Variants in CETN3 observed in about 807,000 individuals in gnomAD.
The protein encoded by CETN3 is centrin-3.
In CETN3, 17 loss-of-function variants were observed where a neutral mutation model predicts 20.1. The observed-to-expected ratio is 0.85, with a 90% CI of 0.58 to 1.27. The LOEUF (loss-of-function observed/expected upper bound fraction) is 1.27. Ranked by LOEUF, CETN3 falls within the 50% of genes most tolerant of loss-of-function variation. The pLI is 0.00. For synonymous variants in CETN3, 52 were observed against 59.7 expected (o/e 0.87, Z 0.59); for missense variants, 169 against 191.2 (o/e 0.88, Z 0.69).
intron 2 of CETN3, among the ~76,000 whole-genome samples, chr5:90,407,086 A>ATC (rs1749472323): frequency 6.6e-6 from 1 of 152,030 alleles, no homozygotes; most frequent in Non-Finnish European, 1.5e-5. Flanking sequence ...TCAAAATACT[A>ATC]TCTTTCCCAC....
Position 90,399,347 on chromosome 5 carries a change from T to C in CETN3, c.460+11A>G, listed in dbSNP as rs368836420. ...GGAAAACCTGGAAAATACGTTTCACTTAAAACTTACTTTCTCCATCACCAT... is the reference window on the plus strand; with the variant it reads ...GGAAAACCTGGAAAATACGTTTCACCTAAAACTTACTTTCTCCATCACCAT... On this transcript the variant is annotated intron_variant, in intron 4 of 4. Coordinates refer to ENST00000283122, the MANE Select transcript of CETN3 (RefSeq NM_004365.4). 50 of 1,613,300 alleles carry C rather than the reference T, an allele frequency of 3.1e-5. No homozygotes were observed. Among genetic ancestry groups the C allele is most frequent in the Non-Finnish European group, 3.9e-5 (46 of 1,179,470 alleles).
chr5:90,400,518 A>C (rs1434975568), intron 3 of CETN3, among the ~76,000 whole-genome samples: 1 of 151,922 alleles, frequency 6.6e-6, no homozygotes, highest in Non-Finnish European at 1.5e-5. Context: ...TGCCACTACA[A>C]GAAAAGGTAT....
Position 90,393,987 on chromosome 5 carries a change from T to C in CETN3, c.*77A>G, listed in dbSNP as rs557373373. Reference sequence around the variant, plus strand: ...AGGATAAAAGAACTAAGTTGGTTTTTTTCACATGGCTCCAGGCACAAAAAT... The same window carrying C: ...AGGATAAAAGAACTAAGTTGGTTTTCTTCACATGGCTCCAGGCACAAAAAT... On this transcript the variant is annotated 3_prime_UTR_variant, in exon 5 of 5. Transcript: ENST00000283122. The C allele has an allele frequency of 2.8e-6, 3 of 1,060,420 alleles. No individual in the cohort carries two copies. In the Admixed American group the frequency reaches 6.7e-5, roughly 24 times the overall value. 65.7% of individuals were successfully genotyped at this position (1,060,420 alleles called of 1,614,324 possible). A position where few individuals can be genotyped will look rare whatever the true frequency, so the allele number is the denominator to read the frequency against.
rs530946058 is a variant in CETN3, at chr5:90,409,718, C to A, written c.-57G>T. On this transcript the variant is annotated 5_prime_UTR_variant, in exon 1 of 5. Coordinates refer to ENST00000283122, the MANE Select transcript of CETN3 (RefSeq NM_004365.4). ...AACGATTTTAACCCCCTACCCAAGGCAGCAAGACGCCCACAGCCGTTCAAC... is the reference window on the plus strand; with the variant it reads ...AACGATTTTAACCCCCTACCCAAGGAAGCAAGACGCCCACAGCCGTTCAAC... 8.7e-6 allele frequency: 14 copies of A among 1,608,288 alleles called. No individual in the cohort carries two copies. The highest frequency in any genetic ancestry group is 4.5e-5 in the East Asian group (2 of 44,874).
Position 90,392,398 on chromosome 5 carries a change from TG to T in CETN3, c.*1665del, listed in dbSNP as rs1749041130. ...CCCTGAATATAATGACTGTGACCAT[TG>T]AATTTGTATTCAAAATTAAGTTTTA... On this transcript the variant is annotated 3_prime_UTR_variant, in exon 5 of 5. Transcript: ENST00000283122. 1 of 152,184 alleles carries T rather than the reference TG, an allele frequency of 6.6e-6. No individual in the cohort carries two copies. Among genetic ancestry groups the T allele is most frequent in the Non-Finnish European group, 1.5e-5 (1 of 68,032 alleles). The allele number at this position is 152,184 out of a possible 1,614,324, so 9.4% of individuals were successfully genotyped here. A position where few individuals can be genotyped will look rare whatever the true frequency, so the allele number is the denominator to read the frequency against.
rs183370925 is a variant in CETN3 at position 90,404,668 on chromosome 5, G to A, written c.268+1017C>T. On this transcript the variant is annotated intron_variant, in intron 3 of 4. Transcript: ENST00000283122. ...TCAACTGCTTATGACTTGAGCTTTT[G>A]GATTTAAAAAACTGACTAATGACAT... 2.8e-4 allele frequency among the ~76,000 whole-genome samples: 42 copies of A among 151,836 alleles called. No individual in the cohort carries two copies. The East Asian group carries it at 8.1e-3, about 29-fold the overall frequency.
rs1456807895 is a variant in CETN3 at position 90,400,576 on chromosome 5, T to C, written c.269-1027A>G. ...AAAAATAACTCGGTCCTGTTGAAGG[T>C]TACAGAATCATTAAAAAAAAAAAAA... On this transcript the variant is annotated intron_variant, in intron 3 of 4. Coordinates refer to ENST00000283122, the MANE Select transcript of CETN3 (RefSeq NM_004365.4). Among the ~76,000 whole-genome samples the C allele has an allele frequency of 4.7e-5, 7 of 149,084 alleles. No individual in the cohort carries two copies. The Admixed American group carries it at 4.7e-4, about 10-fold the overall frequency.
At position 90,405,858 on chromosome 5, in the gene CETN3, T is replaced by C. The variant is rs527776663; in HGVS notation, c.154-59A>G. 12 of 1,053,110 alleles carry C rather than the reference T, an allele frequency of 1.1e-5. No homozygotes were observed. In the African/African-American group the frequency reaches 1.6e-4, roughly 14 times the overall value. 65.2% of individuals were successfully genotyped at this position (1,053,110 alleles called of 1,614,324 possible). ...GCACTCTTTACAAAAGAATTTCTAA[T>C]TATTAAGTTTTTACATCTTAAGAGA... On this transcript the variant is annotated intron_variant, in intron 2 of 4. Coordinates refer to ENST00000283122, the MANE Select transcript of CETN3 (RefSeq NM_004365.4).
chr5:90,393,490 A>G lies in CETN3; in HGVS notation c.*574T>C, dbSNP rs1239318742. 6.6e-6 allele frequency: 1 copy of G among 152,270 alleles called. No homozygotes were observed. The highest frequency in any genetic ancestry group is 2.4e-5 in the African/African-American group (1 of 41,462). 9.4% of individuals were successfully genotyped at this position (152,270 alleles called of 1,614,324 possible). A position where few individuals can be genotyped will look rare whatever the true frequency, so the allele number is the denominator to read the frequency against. ...ACTTATTCCTTCTAAACTCAAAGAC[A>G]GGACTCTTAAAAAAGGAATTAGGCT... is the stretch of plus-strand genomic sequence containing the variant. On this transcript the variant is annotated 3_prime_UTR_variant, in exon 5 of 5. Transcript: ENST00000283122.
rs1749082176 is a variant in CETN3, at chr5:90,394,003, G to T, written c.*61C>A. The T allele has an allele frequency of 8.4e-7, 1 of 1,185,230 alleles. No homozygotes were observed. Among genetic ancestry groups the T allele is most frequent in the Non-Finnish European group, 1.2e-6 (1 of 813,928 alleles). The allele number at this position is 1,185,230 out of a possible 1,614,324, so 73.4% of individuals were successfully genotyped here. A position where few individuals can be genotyped will look rare whatever the true frequency, so the allele number is the denominator to read the frequency against. ...GTTGGTTTTTTTCACATGGCTCCAGGCACAAAAATAGAATATAAGATGGTA... is the reference window on the plus strand; with the variant it reads ...GTTGGTTTTTTTCACATGGCTCCAGTCACAAAAATAGAATATAAGATGGTA... On this transcript the variant is annotated 3_prime_UTR_variant, in exon 5 of 5. Transcript: ENST00000283122.
intron 3 of CETN3, among the ~76,000 whole-genome samples, chr5:90,400,073 G>C (rs1327208101): frequency 3.3e-5 from 5 of 152,164 alleles, no homozygotes; most frequent in Non-Finnish European, 7.4e-5. Context: ...CGCAGACACA[G>C]GCACAATCTC....
At chr5:90,399,666 G>T in intron 3 of CETN3, 117 bp from the exon 4 acceptor site, 1 of 771,648 alleles carries the variant, frequency 1.3e-6, no homozygotes, top group Non-Finnish European at 2.0e-6. Context: ...CTTTTAGTCT[G>T]ACAATAAAAT....
At chr5:90,406,451 TCAC>T (rs1749444775) in intron 2 of CETN3, among the ~76,000 whole-genome samples, 1 of 151,342 alleles carries the variant, frequency 6.6e-6, no homozygotes, top group Admixed American at 6.6e-5. Context: ...GCAGTTTACC[TCAC>T]CTGAATTAGA....
At chr5:90,408,199 T>C (rs1749513674) in intron 1 of CETN3, among the ~76,000 whole-genome samples, 1 of 152,114 alleles carries the variant, frequency 6.6e-6, no homozygotes, top group Admixed American at 6.6e-5. Flanking sequence ...CACGTTATCC[T>C]ACAAGAATGT....
intron 1 of CETN3, among the ~76,000 whole-genome samples, chr5:90,408,691 A>G (rs1749533541): frequency 1.3e-5 from 2 of 151,986 alleles, no homozygotes; most frequent in African/African-American, 4.8e-5. Context: ...CACTGGAATA[A>G]CGAGTTTTGA....
At chr5:90,401,934 C>T (rs1749301255) in intron 3 of CETN3, among the ~76,000 whole-genome samples, 1 of 152,172 alleles carries the variant, frequency 6.6e-6, no homozygotes, top group African/African-American at 2.4e-5. Context: ...ACTGCAGCCT[C>T]AACTCCTGGG....
At chr5:90,405,475 A>G in intron 3 of CETN3, 1 of 522,844 alleles carries the variant, frequency 1.9e-6, no homozygotes, top group Non-Finnish European at 3.3e-6. Context: ...TCTTCACAAC[A>G]AAACAAAAGA....
chr5:90,394,500 CCTTTA>C (rs1749095034), intron 4 of CETN3, among the ~76,000 whole-genome samples: 1 of 151,738 alleles, frequency 6.6e-6, no homozygotes, highest in Non-Finnish European at 1.5e-5. Flanking sequence ...GCAAATCCTT[CCTTTA>C]CAAGTAAGCT....
Position 90,406,849 on chromosome 5 carries a change from AAAAAAAC to A in CETN3, c.153+843_153+849del, listed in dbSNP as rs1388901610. Among the ~76,000 whole-genome samples, 160 of 144,882 alleles carry A rather than the reference AAAAAAAC, an allele frequency of 1.1e-3. 2 individuals carry two copies. Among genetic ancestry groups the A allele is most frequent in the East Asian group, 9.2e-3 (47 of 5,092 alleles). ...ATCAAATCTGGGTAACCAAAAAAAA[AAAAAAAC>A]AAAAAAAACAGTGGGAAAAGAGAGC... is the stretch of plus-strand genomic sequence containing the variant. On this transcript the variant is annotated intron_variant, in intron 2 of 4. Coordinates refer to ENST00000283122, the MANE Select transcript of CETN3 (RefSeq NM_004365.4).
Sources: allele counts gnomAD v4.1 joint callset (sites outside exome capture counted in the v4.1 genomes callset), GRCh38; gene constraint gnomAD v4.1.1; transcripts MANE v1.5; gene names NCBI Gene and HGNC (gene_info 2026-07-23, HGNC 2026-07-21).